Variants in SPATA16 observed in about 807,000 individuals in gnomAD.
The protein encoded by SPATA16 is spermatogenesis-associated protein 16.
Under a neutral mutation model 63.3 loss-of-function variants are expected in SPATA16, and 36 were observed. The ratio of observed to expected loss-of-function variants is 0.57; its 90% CI spans 0.44 to 0.75. SPATA16 has a LOEUF of 0.75. Ranked by LOEUF, SPATA16 falls within the 30% of genes least tolerant of loss-of-function variation. SPATA16 has a pLI of 0.00. For synonymous variants in SPATA16, 203 were observed against 216.7 expected (o/e 0.94, Z 0.56); for missense variants, 646 against 679.3 (o/e 0.95, Z 0.54).
At chr3:173,057,359 C>T (rs1316478470) in intron 2 of SPATA16, among the ~76,000 whole-genome samples, 1 of 152,030 alleles carries the variant, frequency 6.6e-6, no homozygotes, top group East Asian at 1.9e-4. Flanking sequence ...TTGATCCTCC[C>T]GTCTCGGCCT....
chr3:173,114,900 GT>G (rs1349847139), intron 2 of SPATA16, among the ~76,000 whole-genome samples: 1 of 152,088 alleles, frequency 6.6e-6, no homozygotes, highest in Non-Finnish European at 1.5e-5. Flanking sequence ...CAGTAGCTTT[GT>G]TTTTTTGAGA....
At chr3:173,109,758 G>A (rs568386124) in intron 2 of SPATA16, among the ~76,000 whole-genome samples, 2 of 152,080 alleles carry the variant, frequency 1.3e-5, no homozygotes, top group African/African-American at 2.4e-5. Context: ...TGTAAATGAA[G>A]TCTTGGAATT....
At chr3:172,954,139 A>C (rs9819905) in intron 6 of SPATA16, among the ~76,000 whole-genome samples, 1 of 152,240 alleles carries the variant, frequency 6.6e-6, no homozygotes. Context: ...TAATAAAGAC[A>C]TACAGAAGAC....
At chr3:173,079,748 T>C (rs1309611376) in intron 2 of SPATA16, among the ~76,000 whole-genome samples, 1 of 152,166 alleles carries the variant, frequency 6.6e-6, no homozygotes, top group African/African-American at 2.4e-5. Flanking sequence ...TTTAACATAC[T>C]ACAAATCAAC....
At chr3:172,894,671 T>A (rs1292222973) in intron 10 of SPATA16, among the ~76,000 whole-genome samples, 2 of 152,206 alleles carry the variant, frequency 1.3e-5, no homozygotes, top group African/African-American at 4.8e-5. Context: ...ATGTTGAAAT[T>A]CTAACTCCCA....
intron 5 of SPATA16, among the ~76,000 whole-genome samples, chr3:172,976,604 A>G (rs1487204476): frequency 6.6e-6 from 1 of 152,114 alleles, no homozygotes; most frequent in Non-Finnish European, 1.5e-5. Context: ...TGTAATTAAT[A>G]TTACTTCTAG....
intron 6 of SPATA16, among the ~76,000 whole-genome samples, chr3:172,942,854 T>G (rs547488380): frequency 6.6e-6 from 1 of 152,264 alleles, no homozygotes; most frequent in East Asian, 1.9e-4. Flanking sequence ...CATGATGCAA[T>G]TAGGTTAAAA....
chr3:172,995,972 C>CT (rs1401109458), intron 4 of SPATA16, among the ~76,000 whole-genome samples: 4 of 152,142 alleles, frequency 2.6e-5, no homozygotes, highest in Admixed American at 6.6e-5. Flanking sequence ...CGTTAATGTC[C>CT]TTTTTTTCTG....
intron 2 of SPATA16, among the ~76,000 whole-genome samples, chr3:173,067,438 C>A (rs753402051): frequency 6.6e-6 from 1 of 152,108 alleles, no homozygotes; most frequent in Non-Finnish European, 1.5e-5. Context: ...CTAGGGCCTA[C>A]TTGAAGATGG....
At chr3:173,026,926 G>T (rs895843281) in intron 3 of SPATA16, among the ~76,000 whole-genome samples, 4 of 151,452 alleles carry the variant, frequency 2.6e-5, no homozygotes, top group Non-Finnish European at 4.4e-5. Context: ...GTACTTTTCT[G>T]TTTACATTTT....
At chr3:172,956,536 ATTTC>A in intron 6 of SPATA16, 137 bp downstream of exon 6, 1 of 830,772 alleles carries the variant, frequency 1.2e-6, no homozygotes. Flanking sequence ...AACCTTAAAA[ATTTC>A]TTTCCGTTTC....
Position 172,916,519 on chromosome 3 carries a change from C to T in SPATA16, c.1339-38G>A, listed in dbSNP as rs1560066003. On this transcript the variant is annotated intron_variant, in intron 8 of 10. Transcript: ENST00000351008. ...TAAAAGAAATGTTTTAGAACAAAAC[C>T]ACGGAAATAGACCTCTCCCCAGGGC... 1.9e-6 allele frequency: 3 copies of T among 1,611,094 alleles called. No homozygotes were observed. In the East Asian group the frequency reaches 6.7e-5, roughly 36 times the overall value.
At position 172,914,836 on chromosome 3, in the gene SPATA16, T is replaced by C. The variant is rs183703342; in HGVS notation, c.1504-1092A>G. On this transcript the variant is annotated intron_variant, in intron 9 of 10. Coordinates refer to ENST00000351008, the MANE Select transcript of SPATA16 (RefSeq NM_031955.6). ...CTTTAGAAAGGAATGTCAATAATGC[T>C]AGTTTGAGGCTCTTTGTATATATTT... Among the ~76,000 whole-genome samples the C allele has an allele frequency of 6.6e-4, 101 of 152,220 alleles. 2 individuals are homozygous for C. The East Asian group carries it at 9.3e-3, about 14-fold the overall frequency.
At chr3:173,051,349 A>T (rs533905256) in intron 2 of SPATA16, among the ~76,000 whole-genome samples, 2 of 150,744 alleles carry the variant, frequency 1.3e-5, no homozygotes, top group East Asian at 2.0e-4. Flanking sequence ...ATTACAGGCA[A>T]GTGCCACCAC....
intron 6 of SPATA16, among the ~76,000 whole-genome samples, chr3:172,944,201 G>T (rs1733228252): frequency 6.6e-6 from 1 of 152,116 alleles, no homozygotes; most frequent in East Asian, 1.9e-4. Context: ...ATTGGGAAAG[G>T]ACTTAAACAG....
At chr3:173,068,261 C>A (rs1736571368) in intron 2 of SPATA16, among the ~76,000 whole-genome samples, 1 of 152,084 alleles carries the variant, frequency 6.6e-6, no homozygotes, top group African/African-American at 2.4e-5. Context: ...AAAGACAAAC[C>A]TATCAAAAAT....
chr3:173,073,699 C>A (rs574769416), intron 2 of SPATA16, among the ~76,000 whole-genome samples: 2 of 152,340 alleles, frequency 1.3e-5, no homozygotes, highest in African/African-American at 4.8e-5. Context: ...TCTGCTAGGG[C>A]AGTGCAGAAG....
chr3:173,088,007 CGTCTTTCTTTCT>C (rs1414978575), intron 2 of SPATA16, among the ~76,000 whole-genome samples: 1,883 of 118,336 alleles, frequency 0.016, 110 homozygotes, highest in African/African-American at 0.039. Context: ...ATTTTCTTTC[CGTCTTTCTTTCT>C]TTCTTTCTTT....
Position 172,913,642 on chromosome 3 carries a change from C to T in SPATA16, c.1587+19G>A. 1 of 1,609,622 alleles carries T rather than the reference C, an allele frequency of 6.2e-7. No individual in the cohort carries two copies. Among genetic ancestry groups the T allele is most frequent in the East Asian group, 2.2e-5 (1 of 44,814 alleles). ...TCTTTGAGAATAATAGATCTTTTTC[C>T]TTCAGCTCAAAGTTTTACCTTTTGG... On this transcript the variant is annotated intron_variant, in intron 10 of 10. Transcript: ENST00000351008.
Sources: gnomAD v4.1 joint callset for allele counts (sites outside exome capture counted in the v4.1 genomes callset) on GRCh38, gnomAD v4.1.1 for gene constraint, MANE v1.5 for transcripts, NCBI Gene and HGNC (gene_info 2026-07-23, HGNC 2026-07-21) for gene names.